Variants in ITGA8 observed in about 807,000 individuals in gnomAD.
ITGA8 encodes the protein integrin alpha-8.
ITGA8 carries 91 observed loss-of-function variants against 142.3 expected under a neutral mutation model. The ratio of observed to expected loss-of-function variants is 0.64; its 90% CI spans 0.54 to 0.76. The LOEUF (loss-of-function observed/expected upper bound fraction) is 0.76. ITGA8 is among the 30% of genes least tolerant of loss of function. The pLI, the probability that ITGA8 is intolerant of heterozygous loss-of-function variation, is 0.00. For missense variants in ITGA8, 1,406 were observed against 1,327.7 expected, an observed-to-expected ratio of 1.06 and a Z score of -0.92; for synonymous variants, 505 against 485.2, an observed-to-expected ratio of 1.04 and a Z score of -0.54.
rs533493051 is a variant in ITGA8 at position 15,652,599 on chromosome 10, A to G, written c.1001+2755T>C. Among the ~76,000 whole-genome samples the G allele has an allele frequency of 4.6e-5, 7 of 152,314 alleles. No homozygotes were observed. In the East Asian group the frequency reaches 1.3e-3, roughly 29 times the overall value. On this transcript the variant is annotated intron_variant, in intron 11 of 29. Transcript: ENST00000378076. The stretch of plus-strand genomic sequence containing the variant: ...AAATGACTAAAAGGCTTTGATTACA[A>G]TTACAGTCCACCTAAGTTGGAAATC...
At chr10:15,595,582 T>G (rs563100800) in intron 21 of ITGA8, among the ~76,000 whole-genome samples, 1 of 152,282 alleles carries the variant, frequency 6.6e-6, no homozygotes, top group South Asian at 2.1e-4. Context: ...ACACTGCCAT[T>G]TTTCCTCCAC....
intron 13 of ITGA8, among the ~76,000 whole-genome samples, chr10:15,633,292 C>G (rs1933089958): frequency 6.6e-6 from 1 of 151,864 alleles, no homozygotes; most frequent in Non-Finnish European, 1.5e-5. Flanking sequence ...ATAGAATTTC[C>G]TTTTTAGCAT....
At chr10:15,669,926 G>T (rs1020297112) in intron 8 of ITGA8, among the ~76,000 whole-genome samples, 1 of 152,004 alleles carries the variant, frequency 6.6e-6, no homozygotes, top group Non-Finnish European at 1.5e-5. Context: ...CGCCGCTACT[G>T]GGGGGTCCTT....
chr10:15,646,737 A>T (rs1833986928), intron 12 of ITGA8, 109 bp downstream of exon 12: 1 of 704,612 alleles, frequency 1.4e-6, no homozygotes, highest in African/African-American at 1.8e-5. Context: ...AAAATCAGTA[A>T]TAATAACTGC....
chr10:15,571,054 A>G (rs1253011473), intron 25 of ITGA8, among the ~76,000 whole-genome samples: 3 of 152,234 alleles, frequency 2.0e-5, no homozygotes, highest in East Asian at 1.9e-4. Context: ...CAAAGAGGAA[A>G]TGAGAAAAAA....
chr10:15,586,926 CTTT>C (rs59409474), intron 22 of ITGA8, among the ~76,000 whole-genome samples: 2 of 144,204 alleles, frequency 1.4e-5, no homozygotes, highest in African/African-American at 2.5e-5. Flanking sequence ...GAAACTAACA[CTTT>C]TTTTTTTTTT....
chr10:15,562,269 A>T (rs1195533334), intron 25 of ITGA8, among the ~76,000 whole-genome samples: 1 of 152,244 alleles, frequency 6.6e-6, no homozygotes, highest in Non-Finnish European at 1.5e-5. Flanking sequence ...CAAGGCAACG[A>T]GGAGGGTGCT....
chr10:15,684,690 T>G (rs898951747), intron 3 of ITGA8, among the ~76,000 whole-genome samples: 2 of 149,400 alleles, frequency 1.3e-5, no homozygotes, highest in Admixed American at 1.3e-4. Context: ...AAATTAAATT[T>G]TTTTTTTTTG....
chr10:15,665,086 G>A (rs1393455326), intron 8 of ITGA8, among the ~76,000 whole-genome samples: 2 of 152,088 alleles, frequency 1.3e-5, no homozygotes, highest in Non-Finnish European at 1.5e-5. Flanking sequence ...CCGAGGAATC[G>A]CCACACTGAC....
chr10:15,719,422 T>C, intron 1 of ITGA8, 141 bp downstream of exon 1: 1 of 671,730 alleles, frequency 1.5e-6, no homozygotes. Context: ...AAGGGGCTGG[T>C]GGCGGGGAGA....
chr10:15,663,457 C>T (rs1834327433), intron 8 of ITGA8, among the ~76,000 whole-genome samples: 1 of 152,038 alleles, frequency 6.6e-6, no homozygotes, highest in African/African-American at 2.4e-5. Flanking sequence ...TTTCTGAGAT[C>T]TGATGGAAAA....
At chr10:15,679,267 C>T (rs1050734352) in intron 4 of ITGA8, among the ~76,000 whole-genome samples, 1 of 152,158 alleles carries the variant, frequency 6.6e-6, no homozygotes, top group African/African-American at 2.4e-5. Context: ...CTGTTACGCT[C>T]TTTAAGAGGA....
intron 6 of ITGA8, among the ~76,000 whole-genome samples, chr10:15,676,211 G>C (rs930739029): frequency 6.6e-6 from 1 of 152,102 alleles, no homozygotes; most frequent in Non-Finnish European, 1.5e-5. Flanking sequence ...TCTTCACCTA[G>C]GTACTCCTAC....
At chr10:15,626,583 C>T (rs1833586773) in intron 13 of ITGA8, among the ~76,000 whole-genome samples, 1 of 152,100 alleles carries the variant, frequency 6.6e-6, no homozygotes, top group Non-Finnish European at 1.5e-5. Flanking sequence ...TATATCTGCA[C>T]CCTCGATTCC....
intron 11 of ITGA8, among the ~76,000 whole-genome samples, chr10:15,649,748 A>C (rs766231998): frequency 1.3e-5 from 2 of 152,224 alleles, no homozygotes; most frequent in Non-Finnish European, 2.9e-5. Flanking sequence ...CCACAATGAG[A>C]TACCACTACA....
At chr10:15,561,209 C>CTATATATATATATATATATA (rs529527480) in intron 25 of ITGA8, among the ~76,000 whole-genome samples, 3 of 116,954 alleles carry the variant, frequency 2.6e-5, no homozygotes, top group African/African-American at 1.1e-4. Flanking sequence ...TATCTGTTGG[C>CTATATATATATATATATATA]TATATATATA....
chr10:15,668,975 G>T (rs1270740625), intron 8 of ITGA8, among the ~76,000 whole-genome samples: 1 of 152,128 alleles, frequency 6.6e-6, no homozygotes, highest in Non-Finnish European at 1.5e-5. Flanking sequence ...TTCAACTTTG[G>T]TGAATCTGAT....
chr10:15,689,496 G>A (rs1834894055), intron 2 of ITGA8, among the ~76,000 whole-genome samples: 1 of 152,162 alleles, frequency 6.6e-6, no homozygotes, highest in Non-Finnish European at 1.5e-5. Context: ...CACTGTCGTG[G>A]ACACCTGCAG....
chr10:15,606,850 C>T (rs1419943882), intron 17 of ITGA8, among the ~76,000 whole-genome samples: 1 of 152,128 alleles, frequency 6.6e-6, no homozygotes, highest in Admixed American at 6.6e-5. Flanking sequence ...TGATTCTCTT[C>T]CTCTCATCAT....
Sources: allele counts gnomAD v4.1 joint callset (sites outside exome capture counted in the v4.1 genomes callset), GRCh38; gene constraint gnomAD v4.1.1; transcripts MANE v1.5; gene names NCBI Gene and HGNC (gene_info 2026-07-23, HGNC 2026-07-21).